GPAT4: variants seen among roughly 807,000 people sequenced by gnomAD.
GPAT4 encodes the protein glycerol-3-phosphate acyltransferase 4, also known as 1-AGP acyltransferase 6.
GPAT4 carries 17 observed loss-of-function variants against 58.0 expected under a neutral mutation model. The observed-to-expected ratio is 0.29, with a 90% CI of 0.20 to 0.44. The LOEUF (loss-of-function observed/expected upper bound fraction) is 0.44. Ranked by LOEUF, GPAT4 falls within the 20% of genes least tolerant of loss-of-function variation. GPAT4 has a pLI of 1.00. For synonymous variants in GPAT4, 204 were observed against 210.1 expected (o/e 0.97, Z 0.25); for missense variants, 377 against 574.5 (o/e 0.66, Z 3.51).
chr8:41,617,362 C>T (rs1265299347), intron 10 of GPAT4, among the ~76,000 whole-genome samples: 1 of 151,904 alleles, frequency 6.6e-6, no homozygotes, highest in South Asian at 2.1e-4. Flanking sequence ...AGACTCTTGT[C>T]TCAAAATGTA....
chr8:41,614,719 C>T (rs1803545131), intron 9 of GPAT4, among the ~76,000 whole-genome samples: 1 of 152,154 alleles, frequency 6.6e-6, no homozygotes, highest in Non-Finnish European at 1.5e-5. Context: ...GGCCACTGCG[C>T]GTCTCTGCTT....
At chr8:41,593,729 G>T in intron 1 of GPAT4, among the ~76,000 whole-genome samples, 1 of 152,208 alleles carries the variant, frequency 6.6e-6, no homozygotes, top group Non-Finnish European at 1.5e-5. Flanking sequence ...CCTCAGGCTG[G>T]TGCTGGTTTA....
At chr8:41,615,154 T>C in intron 10 of GPAT4, 106 bp downstream of exon 10, 1 of 1,013,768 alleles carries the variant, frequency 9.9e-7, no homozygotes, top group South Asian at 1.4e-5. Flanking sequence ...CTGTGGTCGA[T>C]GCCCTCAGCA....
chr8:41,609,140 G>C (rs564738055), intron 2 of GPAT4, among the ~76,000 whole-genome samples: 1 of 152,372 alleles, frequency 6.6e-6, no homozygotes, highest in Admixed American at 6.5e-5. Context: ...CGGAGACAGA[G>C]AGACGTAGGC....
At chr8:41,616,797 G>A (rs1803607053) in intron 10 of GPAT4, among the ~76,000 whole-genome samples, 3 of 152,144 alleles carry the variant, frequency 2.0e-5, no homozygotes, top group Admixed American at 6.5e-5. Flanking sequence ...GCCCATGTAT[G>A]GCTAAGAACA....
In GPAT4 at chr8:41,609,841, A is replaced by G; in HGVS notation, c.422A>G (p.Glu141Gly). 1 of 1,614,228 alleles carries G rather than the reference A, an allele frequency of 6.2e-7. No homozygotes were observed. The highest frequency in any genetic ancestry group is 8.5e-7 in the Non-Finnish European group (1 of 1,180,044). The change falls in exon 4 of 13, where the codon GAG becomes GGG. Residue 141 changes from glutamate (E) to glycine (G), a missense_variant. Physicochemically the swap from Glu to Gly is moderately conservative, Grantham distance 98 (BLOSUM62 -2). Coordinates refer to ENST00000396987, the MANE Select transcript of GPAT4 (RefSeq NM_178819.4). ...VTKRFSAEEL[E>G]SWNLLSRTNY... The stretch of plus-strand genomic sequence containing the variant: ...AAGAGATTCTCAGCAGAAGAACTGG[A>G]GTCCTGGAACCTGCTGAGCAGAACC...
At chr8:41,582,705 C>T (rs1043444527) in intron 1 of GPAT4, among the ~76,000 whole-genome samples, 1 of 143,864 alleles carries the variant, frequency 7.0e-6, no homozygotes, top group African/African-American at 2.6e-5. Context: ...GGGTGTATCT[C>T]AAAACATCAC....
chr8:41,589,925 G>C (rs189422553), intron 1 of GPAT4, among the ~76,000 whole-genome samples: 1 of 152,308 alleles, frequency 6.6e-6, no homozygotes, highest in Non-Finnish European at 1.5e-5. Context: ...GCCCTGGACA[G>C]GCCTGAGAAC....
intron 1 of GPAT4, among the ~76,000 whole-genome samples, chr8:41,579,682 A>C (rs2150476517): frequency 6.6e-6 from 1 of 152,286 alleles, no homozygotes; most frequent in Middle Eastern, 3.4e-3. Context: ...TACTAAAAAT[A>C]CAAAAATTAG....
Position 41,618,689 on chromosome 8 carries a change from C to A in GPAT4, c.1059C>A (p.Asp353Glu). Residue 353 changes from aspartate (D) to glutamate (E), a missense_variant, in exon 11 of 13, where the codon GAC becomes GAA. Transcript: ENST00000396987. ...ATVYPVAIKY[D>E]PQFGDAFWNS... The stretch of plus-strand genomic sequence containing the variant: ...CAGCTTTCCATTGTTTTCAGTATGA[C>A]CCTCAATTTGGCGATGCCTTCTGGA... 1 of 1,614,062 alleles carries A rather than the reference C, an allele frequency of 6.2e-7. No homozygotes were observed. The highest frequency in any genetic ancestry group is 8.5e-7 in the Non-Finnish European group (1 of 1,180,014).
chr8:41,582,741 T>G (rs750883372), intron 1 of GPAT4, among the ~76,000 whole-genome samples: 1 of 151,986 alleles, frequency 6.6e-6, no homozygotes, highest in Non-Finnish European at 1.5e-5. Context: ...TATGTAAAAT[T>G]ATGTATCAAT....
At chr8:41,615,128 A>T (rs1803557088) in intron 10 of GPAT4, 80 bp downstream of exon 10, 10 of 1,304,510 alleles carry the variant, frequency 7.7e-6, no homozygotes, top group Admixed American at 7.4e-5. Flanking sequence ...TAGAGGAAGG[A>T]GCTGGGGTCA....
chr8:41,612,124 G>A, intron 6 of GPAT4, 56 bp from the exon 7 acceptor site: 1 of 1,597,682 alleles, frequency 6.3e-7, no homozygotes, highest in Non-Finnish European at 8.6e-7. Context: ...TGAGAGGTGT[G>A]TTACATGAAC....
chr8:41,608,746 C>T (rs909657228), intron 2 of GPAT4, among the ~76,000 whole-genome samples: 7 of 152,172 alleles, frequency 4.6e-5, no homozygotes, highest in Middle Eastern at 3.4e-3. Flanking sequence ...ATAAAGAGAC[C>T]AAGATTCAGA....
rs146135584 is a variant in GPAT4 at position 41,592,640 on chromosome 8, A to G, written c.-848-5652A>G. The stretch of plus-strand genomic sequence containing the variant: ...CTCAACATACATAACATGAAGTGAC[A>G]TTGAGAGACTGGGCTAAATGCTCGG... On this transcript the variant is annotated intron_variant, in intron 1 of 12. Transcript: ENST00000396987. Among the ~76,000 whole-genome samples the G allele has an allele frequency of 2.2e-3, 334 of 152,294 alleles. 1 individual carries two copies. Among genetic ancestry groups the G allele is most frequent in the African/African-American group, 7.9e-3 (328 of 41,568 alleles).
At chr8:41,582,008 T>A (rs1334728271) in intron 1 of GPAT4, among the ~76,000 whole-genome samples, 1 of 105,336 alleles carries the variant, frequency 9.5e-6, no homozygotes, top group Non-Finnish European at 2.1e-5. Flanking sequence ...TTTTTTTTTT[T>A]TTTTTTTTTT....
chr8:41,594,277 C>CT (rs1018288088), intron 1 of GPAT4, among the ~76,000 whole-genome samples: 11 of 152,266 alleles, frequency 7.2e-5, no homozygotes, highest in Middle Eastern at 3.4e-3. Context: ...CGTTTTAAAA[C>CT]TTGCGTAAAC....
At chr8:41,595,701 C>T (rs1802911747) in intron 1 of GPAT4, among the ~76,000 whole-genome samples, 1 of 152,008 alleles carries the variant, frequency 6.6e-6, no homozygotes, top group Non-Finnish European at 1.5e-5. Flanking sequence ...CTCTTTCTTT[C>T]TCTCTTTAAC....
chr8:41,606,339 T>C (rs1269786346), intron 2 of GPAT4, among the ~76,000 whole-genome samples: 1 of 152,018 alleles, frequency 6.6e-6, no homozygotes, highest in Non-Finnish European at 1.5e-5. Context: ...TTGAATTGAA[T>C]TAGAGGACAC....
Sources: allele counts gnomAD v4.1 joint callset (sites outside exome capture counted in the v4.1 genomes callset), GRCh38; gene constraint gnomAD v4.1.1; transcripts MANE v1.5; gene names NCBI Gene and HGNC (gene_info 2026-07-23, HGNC 2026-07-21).